The following CSMD1 variants were observed in gnomAD, a reference collection of about 807,000 sequenced individuals.
CSMD1 encodes the protein CUB and sushi domain-containing protein 1.
Under a neutral mutation model 417.5 loss-of-function variants are expected in CSMD1, and 213 were observed. The observed-to-expected ratio is 0.51, with a 90% CI of 0.46 to 0.57. The LOEUF is 0.57. Ranked by LOEUF, CSMD1 falls within the 20% of genes least tolerant of loss-of-function variation. CSMD1 has a pLI of 0.00. For synonymous variants in CSMD1, 2,862 were observed against 1,736.8 expected, an observed-to-expected ratio of 1.65 and a Z score of -16.11; for missense variants, 6,923 against 4,529.7, an observed-to-expected ratio of 1.53 and a Z score of -15.17.
chr8:4,698,468 T>C (rs1015743334), intron 1 of CSMD1, among the ~76,000 whole-genome samples: 1 of 152,262 alleles, frequency 6.6e-6, no homozygotes, highest in Admixed American at 6.5e-5. Context: ...TATGTTCTCA[T>C]AAGGCAGTTG....
At chr8:3,380,335 T>A (rs1810556684) in intron 18 of CSMD1, among the ~76,000 whole-genome samples, 1 of 152,176 alleles carries the variant, frequency 6.6e-6, no homozygotes, top group Non-Finnish European at 1.5e-5. Context: ...GTGTGGTGAT[T>A]CCTCAAGGAT....
At chr8:4,736,578 G>A (rs1810250910) in intron 1 of CSMD1, among the ~76,000 whole-genome samples, 1 of 152,182 alleles carries the variant, frequency 6.6e-6, no homozygotes, top group Non-Finnish European at 1.5e-5. Context: ...CTCAATCTAG[G>A]AAAATGGGTT....
At chr8:4,290,506 G>T (rs905776411) in intron 3 of CSMD1, among the ~76,000 whole-genome samples, 1 of 152,168 alleles carries the variant, frequency 6.6e-6, no homozygotes, top group Non-Finnish European at 1.5e-5. Context: ...GAGAAAAAAA[G>T]GACAGATGAT....
chr8:3,624,839 A>G (rs1796417565), intron 7 of CSMD1, among the ~76,000 whole-genome samples: 2 of 152,194 alleles, frequency 1.3e-5, no homozygotes, highest in African/African-American at 2.4e-5. Flanking sequence ...CATTGAATTG[A>G]AAAGTAATAG....
intron 5 of CSMD1, among the ~76,000 whole-genome samples, chr8:3,895,513 T>C (rs1051088791): frequency 2.6e-5 from 4 of 152,118 alleles, no homozygotes; most frequent in African/African-American, 9.7e-5. Flanking sequence ...TTTAAGTGTA[T>C]CTATCCTTAG....
chr8:4,717,822 C>G (rs1808784728), intron 1 of CSMD1, among the ~76,000 whole-genome samples: 1 of 152,054 alleles, frequency 6.6e-6, no homozygotes, highest in African/African-American at 2.4e-5. Flanking sequence ...GATCTTACCG[C>G]CACCCCAGGA....
intron 3 of CSMD1, among the ~76,000 whole-genome samples, chr8:4,183,793 T>C (rs1384585951): frequency 6.6e-6 from 1 of 152,198 alleles, no homozygotes; most frequent in Non-Finnish European, 1.5e-5. Context: ...TCAGCATCAC[T>C]TGAGTATTTC....
At chr8:4,368,998 G>T (rs141680332) in intron 3 of CSMD1, among the ~76,000 whole-genome samples, 49 of 152,036 alleles carry the variant, frequency 3.2e-4, no homozygotes, top group African/African-American at 1.2e-3. Flanking sequence ...GTTTGGGGAT[G>T]GTTTGCTCTG....
intron 12 of CSMD1, among the ~76,000 whole-genome samples, chr8:3,462,123 C>G (rs1186614893): frequency 7.9e-5 from 1 of 12,622 alleles, no homozygotes; most frequent in Non-Finnish European, 1.4e-4. Flanking sequence ...AGAATCCAGG[C>G]CCCCCCCCCC....
At chr8:4,631,102 C>A (rs1039685861) in intron 2 of CSMD1, among the ~76,000 whole-genome samples, 1 of 152,168 alleles carries the variant, frequency 6.6e-6, no homozygotes, top group Admixed American at 6.5e-5. Flanking sequence ...GTGGCTCACA[C>A]CTGTAATCCC....
At chr8:4,579,995 A>G (rs1799335734) in intron 2 of CSMD1, among the ~76,000 whole-genome samples, 1 of 152,222 alleles carries the variant, frequency 6.6e-6, no homozygotes, top group Non-Finnish European at 1.5e-5. Flanking sequence ...CTTAAATACT[A>G]CCATTTCCAT....
At chr8:4,322,329 T>TG (rs1231055852) in intron 3 of CSMD1, among the ~76,000 whole-genome samples, 1 of 152,146 alleles carries the variant, frequency 6.6e-6, no homozygotes, top group African/African-American at 2.4e-5. Flanking sequence ...GTACTTTTTT[T>TG]TGCAACAATC....
At chr8:4,230,747 G>A (rs1801672811) in intron 3 of CSMD1, among the ~76,000 whole-genome samples, 2 of 151,916 alleles carry the variant, frequency 1.3e-5, no homozygotes, top group South Asian at 2.1e-4. Flanking sequence ...ACAAGCTATT[G>A]AAATAAATTC....
At chr8:4,323,768 G>A (rs930761402) in intron 3 of CSMD1, among the ~76,000 whole-genome samples, 1 of 152,134 alleles carries the variant, frequency 6.6e-6, no homozygotes, top group African/African-American at 2.4e-5. Context: ...CCCTTCCCCT[G>A]GCCAGACCTG....
rs74856608 is a variant in CSMD1 at position 3,758,930 on chromosome 8, C to G, written c.819-4888G>C. ...AGGACAAGGTTCCAGGTAGAAGAGC[C>G]TGTGGACAAAGGTCAGAGTGACGCA... On this transcript the variant is annotated intron_variant, in intron 5 of 69. Coordinates refer to ENST00000635120, the MANE Select transcript of CSMD1 (RefSeq NM_033225.6). 2.6e-4 allele frequency among the ~76,000 whole-genome samples: 39 copies of G among 152,266 alleles called. 1 individual carries two copies. In the East Asian group the frequency reaches 7.4e-3, roughly 29 times the overall value.
At chr8:3,451,158 G>A (rs1418355619) in intron 12 of CSMD1, among the ~76,000 whole-genome samples, 1 of 152,040 alleles carries the variant, frequency 6.6e-6, no homozygotes, top group Non-Finnish European at 1.5e-5. Context: ...TTTTTGATGG[G>A]GTTGCTTGTT....
At chr8:4,057,945 C>T (rs1202339004) in intron 3 of CSMD1, among the ~76,000 whole-genome samples, 12 of 150,960 alleles carry the variant, frequency 7.9e-5, no homozygotes, top group East Asian at 2.0e-4. Flanking sequence ...AGCCTTGTAG[C>T]ATAGTTTGAA....
At chr8:4,004,811 C>T (rs974712016) in intron 4 of CSMD1, among the ~76,000 whole-genome samples, 4 of 152,154 alleles carry the variant, frequency 2.6e-5, no homozygotes, top group African/African-American at 7.2e-5. Flanking sequence ...GTGGCGCGAT[C>T]TTGGCTCACT....
chr8:3,722,151 A>C (rs1802215789), intron 6 of CSMD1, among the ~76,000 whole-genome samples: 1 of 152,024 alleles, frequency 6.6e-6, no homozygotes, highest in African/African-American at 2.4e-5. Flanking sequence ...GAGACTAAGA[A>C]TGCAAAAATT....
Sources: gnomAD v4.1 joint callset for allele counts (sites outside exome capture counted in the v4.1 genomes callset) on GRCh38, gnomAD v4.1.1 for gene constraint, MANE v1.5 for transcripts, NCBI Gene and HGNC (gene_info 2026-07-23, HGNC 2026-07-21) for gene names.